The following B3GALT1 variants were observed in gnomAD, a reference collection of about 807,000 sequenced individuals.
B3GALT1 encodes beta-1,3-galactosyltransferase 1.
B3GALT1 carries 10 observed loss-of-function variants against 23.2 expected under a neutral mutation model. The observed-to-expected ratio is 0.43, with a 90% CI of 0.27 to 0.73. B3GALT1 has a LOEUF of 0.73. Among genes scored for constraint, B3GALT1 ranks in the 30% least tolerant of loss-of-function variants. The probability of loss-of-function intolerance (pLI) is 0.21; values close to 1 mark genes in which losing one functional copy is unlikely to be tolerated. For missense variants in B3GALT1, 299 were observed against 405.4 expected (o/e 0.74, Z 2.25); for synonymous variants, 156 against 141.5 (o/e 1.10, Z -0.73).
chr2:167,577,415 G>C lies in B3GALT1; in HGVS notation c.-409-69494G>C, dbSNP rs1227146. Among the ~76,000 whole-genome samples, 2 of 151,930 alleles carry C rather than the reference G, an allele frequency of 1.3e-5. 1 individual carries two copies. The highest frequency in any genetic ancestry group is 4.2e-4 in the South Asian group (2 of 4,816). ...TTTATCAAGTGGAAAGATAGGACTA[G>C]ATTAATAATGGTATATAGATCAATT... On this transcript the variant is annotated intron_variant, in intron 2 of 4. Coordinates refer to ENST00000392690, the MANE Select transcript of B3GALT1 (RefSeq NM_020981.4).
At chr2:167,319,546 A>T (rs936667267) in intron 1 of B3GALT1, among the ~76,000 whole-genome samples, 4 of 152,096 alleles carry the variant, frequency 2.6e-5, no homozygotes, top group African/African-American at 9.7e-5. Context: ...AAACACCCAT[A>T]AGTCACTTAC....
intron 2 of B3GALT1, among the ~76,000 whole-genome samples, chr2:167,521,887 T>C (rs1396068037): frequency 2.0e-5 from 3 of 150,798 alleles, no homozygotes; most frequent in Non-Finnish European, 4.4e-5. Context: ...ATCATACATA[T>C]ATTATTTAGA....
chr2:167,558,949 A>G (rs1202641642), intron 2 of B3GALT1, among the ~76,000 whole-genome samples: 1 of 152,212 alleles, frequency 6.6e-6, no homozygotes, highest in Non-Finnish European at 1.5e-5. Context: ...AGCTTTGAAG[A>G]GAGCAGTGGT....
chr2:167,661,091 A>T (rs1025485227), intron 3 of B3GALT1, among the ~76,000 whole-genome samples: 1 of 152,284 alleles, frequency 6.6e-6, no homozygotes, highest in East Asian at 1.9e-4. Context: ...ACGGAGCTTA[A>T]ATCCTTAATA....
chr2:167,563,503 C>A, intron 2 of B3GALT1, among the ~76,000 whole-genome samples: 1 of 52,266 alleles, frequency 1.9e-5, no homozygotes, highest in East Asian at 7.4e-4. Flanking sequence ...AGGCGCCCCT[C>A]ACCTCCCGGA....
intron 2 of B3GALT1, among the ~76,000 whole-genome samples, chr2:167,546,195 A>G (rs1683632769): frequency 6.6e-6 from 1 of 152,212 alleles, no homozygotes; most frequent in Admixed American, 6.5e-5. Context: ...ATACAAATGC[A>G]GAGCTTCCAG....
intron 3 of B3GALT1, among the ~76,000 whole-genome samples, chr2:167,732,853 G>A (rs543024531): frequency 2.4e-4 from 36 of 152,326 alleles, no homozygotes; most frequent in Non-Finnish European, 2.4e-4. Flanking sequence ...GATGACTTAG[G>A]AAGATTATGC....
At chr2:167,469,072 A>G (rs1230506269) in intron 1 of B3GALT1, among the ~76,000 whole-genome samples, 2 of 152,196 alleles carry the variant, frequency 1.3e-5, no homozygotes, top group South Asian at 2.1e-4. Context: ...CTGTGACGCT[A>G]TTCCTGAATA....
intron 2 of B3GALT1, among the ~76,000 whole-genome samples, chr2:167,509,894 G>T (rs1699979353): frequency 6.6e-6 from 1 of 152,260 alleles, no homozygotes; most frequent in African/African-American, 2.4e-5. Context: ...TACTCTGGCT[G>T]CTGTGTAGAG....
At position 167,425,733 on chromosome 2, in the gene B3GALT1, G is replaced by T. The variant is rs77729531; in HGVS notation, c.-510-64444G>T. Among the ~76,000 whole-genome samples, 722 of 152,142 alleles carry T rather than the reference G, an allele frequency of 4.7e-3. 6 individuals carry two copies. Among genetic ancestry groups the T allele is most frequent in the East Asian group, 0.018 (93 of 5,172 alleles). On this transcript the variant is annotated intron_variant, in intron 1 of 4. Transcript: ENST00000392690. ...TTCATTTATGCACACAAATATATAT[G>T]TGTACCTGAATATCAGGCTATAATG...
At chr2:167,452,098 C>T (rs906916909) in intron 1 of B3GALT1, among the ~76,000 whole-genome samples, 4 of 152,126 alleles carry the variant, frequency 2.6e-5, no homozygotes, top group African/African-American at 9.7e-5. Context: ...CCCCGGGCTA[C>T]CGGTTTCCCA....
chr2:167,512,568 G>GTATATATATGTATATATATATGTGTA (rs1700027897), intron 2 of B3GALT1, among the ~76,000 whole-genome samples: 1 of 38,734 alleles, frequency 2.6e-5, no homozygotes, highest in Non-Finnish European at 4.4e-5. Flanking sequence ...ATATATATAT[G>GTATATATATGTATATATATATGTGTA]TATATATATA....
At chr2:167,809,184 T>C (rs1574274127) in intron 3 of B3GALT1, among the ~76,000 whole-genome samples, 2 of 152,300 alleles carry the variant, frequency 1.3e-5, no homozygotes, top group East Asian at 3.9e-4. Flanking sequence ...TAGCCATTCG[T>C]CTAATCTTTT....
Position 167,871,889 on chromosome 2 carries a change from TA to T in B3GALT1, c.*1870del, listed in dbSNP as rs1559010945. ...AAAGAGTGTACCTTTTTTATTTATT[TA>T]CTTTTTTTTTTTTTTTTTTTTTTTT... On this transcript the variant is annotated 3_prime_UTR_variant, in exon 5 of 5. Coordinates refer to ENST00000392690, the MANE Select transcript of B3GALT1 (RefSeq NM_020981.4). 7 of 141,396 alleles carry T rather than the reference TA, an allele frequency of 5.0e-5. No homozygotes were observed. In the East Asian group the frequency reaches 1.4e-3, roughly 29 times the overall value. 8.8% of individuals were successfully genotyped at this position (141,396 alleles called of 1,614,324 possible). A position where few individuals can be genotyped will look rare whatever the true frequency, so the allele number is the denominator to read the frequency against.
intron 1 of B3GALT1, among the ~76,000 whole-genome samples, chr2:167,456,200 G>A (rs1392789094): frequency 1.3e-5 from 2 of 152,150 alleles, no homozygotes; most frequent in African/African-American, 2.4e-5. Context: ...AAGGCAAAGG[G>A]GAAGCAAGCA....
At chr2:167,564,122 C>A (rs1233073560) in intron 2 of B3GALT1, among the ~76,000 whole-genome samples, 5 of 150,668 alleles carry the variant, frequency 3.3e-5, no homozygotes, top group Admixed American at 6.6e-5. Flanking sequence ...GGCTGCCTGG[C>A]GGAGGGGCTC....
intron 1 of B3GALT1, among the ~76,000 whole-genome samples, chr2:167,376,723 T>G (rs972122461): frequency 2.0e-5 from 3 of 152,112 alleles, no homozygotes; most frequent in Non-Finnish European, 4.4e-5. Context: ...TATTTGGATC[T>G]TCTCTTTTTT....
chr2:167,511,573 A>T (rs1234824549), intron 2 of B3GALT1, among the ~76,000 whole-genome samples: 1 of 152,164 alleles, frequency 6.6e-6, no homozygotes, highest in Non-Finnish European at 1.5e-5. Context: ...AGCAGCATGA[A>T]AACAGTCTAA....
chr2:167,590,427 A>G (rs1401169821), intron 2 of B3GALT1, among the ~76,000 whole-genome samples: 2 of 151,902 alleles, frequency 1.3e-5, no homozygotes, highest in East Asian at 3.9e-4. Flanking sequence ...TGATCTGTGC[A>G]GCAAGCCACC....
Sources: allele counts gnomAD v4.1 joint callset (sites outside exome capture counted in the v4.1 genomes callset), GRCh38; gene constraint gnomAD v4.1.1; transcripts MANE v1.5; gene names NCBI Gene and HGNC (gene_info 2026-07-23, HGNC 2026-07-21).